The following TRIM37 variants were observed in gnomAD, a reference collection of about 807,000 sequenced individuals.
TRIM37 encodes the protein tripartite motif containing 37.
A neutral mutation model predicts 129.8 loss-of-function variants in TRIM37; 80 were observed. The ratio of observed to expected loss-of-function variants is 0.62; its 90% confidence interval spans 0.51 to 0.74. The LOEUF is 0.74. Among genes scored for constraint, TRIM37 ranks in the 30% least tolerant of loss-of-function variants. The pLI, the probability that TRIM37 is intolerant of heterozygous loss-of-function variation, is 0.00. For synonymous variants in TRIM37, 389 were observed against 387.1 expected, an observed-to-expected ratio of 1.00 and a Z score of -0.06; for missense variants, 1,054 against 1,176.5, an observed-to-expected ratio of 0.90 and a Z score of 1.52.
At chr17:58,975,605 C>T in the TRIM37 span, among the ~76,000 whole-genome samples, 1 of 152,128 alleles carries the variant, frequency 6.6e-6, no homozygotes, top group Non-Finnish European at 1.5e-5. Context: ...AATATAAATA[C>T]ACAGGGGTTT....
At chr17:59,013,205 G>GTGAT (rs1262806899) in intron 21 of TRIM37, among the ~76,000 whole-genome samples, 3 of 152,128 alleles carry the variant, frequency 2.0e-5, no homozygotes, top group Non-Finnish European at 4.4e-5. Flanking sequence ...GTGCAGTGAT[G>GTGAT]TGATCTCAGC....
At chr17:58,980,658 T>G (rs1329753216), downstream of TRIM37, 1 of 1,614,188 alleles carries the variant, frequency 6.2e-7, no homozygotes, top group Non-Finnish European at 8.5e-7. The surrounding 1 kb of genome is among the most constrained non-coding windows in gnomAD (Gnocchi z 4.7). Context: ...GCTTTCAATT[T>G]GGGTTCAACA....
At chr17:58,993,672 T>A (rs1416189566), downstream of TRIM37, among the ~76,000 whole-genome samples, 1 of 152,068 alleles carries the variant, frequency 6.6e-6, no homozygotes, top group African/African-American at 2.4e-5. Context: ...CACAGGGGAA[T>A]CTTGGGGGTG....
rs111593987 is a variant in TRIM37, at chr17:59,054,389, C to G, written c.1199+2486G>C. On this transcript the variant is annotated intron_variant, in intron 13 of 23. Coordinates refer to ENST00000262294, the MANE Select transcript of TRIM37 (RefSeq NM_015294.6). ...AAATCTCGGCTCACTGCAACATCTG[C>G]CTCCCGGACTCAAGCGATTCAACTG... is the stretch of plus-strand genomic sequence containing the variant. Among the ~76,000 whole-genome samples the G allele has an allele frequency of 9.8e-3, 1,487 of 152,034 alleles. 30 individuals are homozygous for G. Among genetic ancestry groups the G allele is most frequent in the African/African-American group, 0.033 (1,375 of 41,462 alleles).
rs112566523 is a variant in TRIM37, at chr17:59,002,952, T to C, written c.2696-1238A>G. On this transcript the variant is annotated intron_variant, in intron 22 of 23. Coordinates refer to ENST00000262294, the MANE Select transcript of TRIM37 (RefSeq NM_015294.6). ...CCCAGGCTGGAGTACAGTGGTGCAATCATGGCTTACCACAGCCTTGACCTC... is the reference window on the plus strand; with the variant it reads ...CCCAGGCTGGAGTACAGTGGTGCAACCATGGCTTACCACAGCCTTGACCTC... Among the ~76,000 whole-genome samples, 1,387 of 152,326 alleles carry C rather than the reference T, an allele frequency of 9.1e-3. 27 individuals carry two copies. The highest frequency in any genetic ancestry group is 0.031 in the African/African-American group (1,277 of 41,564).
chr17:59,002,028 T>A (rs374428284), intron 22 of TRIM37, among the ~76,000 whole-genome samples: 3 of 150,342 alleles, frequency 2.0e-5, no homozygotes, highest in African/African-American at 7.3e-5. Context: ...TCAAACACTG[T>A]TTTTTTTTCA....
intron 24 of TRIM37, among the ~76,000 whole-genome samples, chr17:58,990,055 G>A (rs1277847392): frequency 6.6e-6 from 1 of 151,520 alleles, no homozygotes; most frequent in Admixed American, 6.6e-5. Flanking sequence ...TGTGTGGCTT[G>A]TAGTCCCAGC....
chr17:59,014,813 C>CT (rs1372635679), intron 21 of TRIM37, among the ~76,000 whole-genome samples: 1 of 150,808 alleles, frequency 6.6e-6, no homozygotes, highest in Non-Finnish European at 1.5e-5. Context: ...AAAATGAGCT[C>CT]TAACATATTT....
At chr17:59,061,581 A>C (rs975658455) in intron 11 of TRIM37, among the ~76,000 whole-genome samples, 2 of 152,002 alleles carry the variant, frequency 1.3e-5, no homozygotes, top group African/African-American at 4.8e-5. Flanking sequence ...AGAGATTGAG[A>C]AGTTGTTTAA....
chr17:58,998,159 A>C (rs2033189964), downstream of TRIM37: 2 of 950,288 alleles, frequency 2.1e-6, no homozygotes, highest in South Asian at 4.9e-5. Flanking sequence ...TGAGTAGAAA[A>C]GAAGGGGTTT....
Position 59,081,084 on chromosome 17 carries a change from G to A in TRIM37, c.492+13C>T, listed in dbSNP as rs764235879. ...TTAAAAACAAAATAATTATATTTTAGTAGTAGTCTTACCACTTCTTGAACT... is the reference window on the plus strand; with the variant it reads ...TTAAAAACAAAATAATTATATTTTAATAGTAGTCTTACCACTTCTTGAACT... On this transcript the variant is annotated intron_variant, in intron 6 of 23. Coordinates refer to ENST00000262294, the MANE Select transcript of TRIM37 (RefSeq NM_015294.6). The A allele has an allele frequency of 1.9e-6, 3 of 1,579,802 alleles. No homozygotes were observed. The highest frequency in any genetic ancestry group is 2.3e-5 in the East Asian group (1 of 44,086).
rs767104481 is a variant in TRIM37, at chr17:59,070,838, G to A, written c.794C>T (p.Pro265Leu). Residue 265 changes from proline (P) to leucine (L), a missense_variant, in exon 9 of 24, where the codon CCA becomes CTA. By Grantham distance (98) the Pro-to-Leu change is moderately conservative. Around this residue, in one of 3 missense-constraint regions of TRIM37, gnomAD observed 752 missense variants for 870.8 expected, o/e 0.86. Transcript: ENST00000262294. ...TGTGTCATACCTGGTAAAGTCTGGT[G>A]GAACAGGAGTGGTAACAAAAGATGC... ...PMASFVTTPV[P>L]PDFTSELVPS... The A allele has an allele frequency of 9.9e-6, 16 of 1,613,868 alleles. No individual in the cohort carries two copies. In the South Asian group the frequency reaches 1.8e-4, roughly 18 times the overall value.
intron 24 of TRIM37, among the ~76,000 whole-genome samples, chr17:58,989,973 C>T (rs1049983623): frequency 6.6e-6 from 1 of 151,394 alleles, no homozygotes; most frequent in Admixed American, 6.6e-5. Context: ...ATAGCTTAAA[C>T]TTAGGAGTTC....
chr17:58,970,734 GT>G, the TRIM37 span, among the ~76,000 whole-genome samples: 1 of 152,022 alleles, frequency 6.6e-6, no homozygotes, highest in African/African-American at 2.4e-5. Context: ...ACACAAAGAG[GT>G]GGGTCTGGAG....
intron 19 of TRIM37, among the ~76,000 whole-genome samples, chr17:59,027,740 A>G (rs1457154588): frequency 6.6e-6 from 1 of 152,186 alleles, no homozygotes. Context: ...TCCTTACATC[A>G]TAATAAAACT....
intron 13 of TRIM37, among the ~76,000 whole-genome samples, 194 bp downstream of exon 13, chr17:59,056,681 G>C (rs1441960122): frequency 8.4e-6 from 1 of 119,448 alleles, no homozygotes; most frequent in Non-Finnish European, 1.6e-5. Context: ...AGTGAGCCGA[G>C]ATCGCGCCAG....
At chr17:59,080,380 A>T (rs893853530) in intron 6 of TRIM37, among the ~76,000 whole-genome samples, 1 of 152,230 alleles carries the variant, frequency 6.6e-6, no homozygotes, top group Admixed American at 6.5e-5. Flanking sequence ...TGGAGTTCTA[A>T]ATCAGGACAT....
chr17:59,055,474 C>T (rs1228281444), intron 13 of TRIM37, among the ~76,000 whole-genome samples: 1 of 151,314 alleles, frequency 6.6e-6, no homozygotes, highest in African/African-American at 2.4e-5. Flanking sequence ...GCAGGAGGCT[C>T]AAGAGGTCAG....
At chr17:59,085,772 C>T (rs1324629831) in intron 4 of TRIM37, among the ~76,000 whole-genome samples, 4 of 151,994 alleles carry the variant, frequency 2.6e-5, no homozygotes, top group Non-Finnish European at 4.4e-5. Context: ...TTCACTACAG[C>T]CAAAAGGTGG....
Sources: gnomAD v4.1 joint callset for allele counts (sites outside exome capture counted in the v4.1 genomes callset) on GRCh38, gnomAD v4.1.1 for gene constraint, gnomAD v4.1.1 regional missense constraint, Gnocchi (gnomAD v3.1) non-coding constraint, MANE v1.5 for transcripts, NCBI Gene and HGNC (gene_info 2026-07-23, HGNC 2026-07-21) for gene names.